GNG7: variants seen among roughly 807,000 people sequenced by gnomAD.
GNG7 encodes the protein guanine nucleotide-binding protein G(I)/G(S)/G(O) subunit gamma-7.
Under a neutral mutation model 4.0 loss-of-function variants are expected in GNG7, and 1 was observed. The observed-to-expected ratio is 0.25, with a 90% CI of 0.09 to 1.18. The LOEUF (loss-of-function observed/expected upper bound fraction) is 1.18, where lower values mean the gene tolerates loss of function less well. Ranked by LOEUF, GNG7 falls within the 50% of genes most tolerant of loss-of-function variation. The pLI, the probability that GNG7 is intolerant of heterozygous loss-of-function variation, is 0.50. For missense variants in GNG7, 86 were observed against 91.9 expected (o/e 0.94, Z 0.26); for synonymous variants, 34 against 36.9 (o/e 0.92, Z 0.29).
intron 2 of GNG7, among the ~76,000 whole-genome samples, chr19:2,559,671 T>C (rs1157521054): frequency 1.4e-5 from 2 of 144,232 alleles, no homozygotes; most frequent in Admixed American, 7.0e-5. Context: ...TGCACCGCCA[T>C]GCCCAGCTAA....
intron 2 of GNG7, among the ~76,000 whole-genome samples, chr19:2,644,228 C>T (rs1982596612): frequency 6.6e-6 from 1 of 150,878 alleles, no homozygotes; most frequent in Non-Finnish European, 1.5e-5. Flanking sequence ...GCCATGTTGG[C>T]CAGGCTAGTC....
intron 1 of GNG7, among the ~76,000 whole-genome samples, chr19:2,667,730 C>T (rs1983345997): frequency 6.6e-6 from 1 of 152,164 alleles, no homozygotes; most frequent in African/African-American, 2.4e-5. Flanking sequence ...GCCTGGCCAA[C>T]ATGGTGAAAC....
At chr19:2,563,200 A>G (rs916176440) in intron 2 of GNG7, among the ~76,000 whole-genome samples, 1 of 152,046 alleles carries the variant, frequency 6.6e-6, no homozygotes, top group Non-Finnish European at 1.5e-5. Context: ...CACCTGCCTC[A>G]GCCTCCCAAA....
At chr19:2,670,994 C>T (rs1568280522) in intron 1 of GNG7, among the ~76,000 whole-genome samples, 1 of 152,034 alleles carries the variant, frequency 6.6e-6, no homozygotes, top group Non-Finnish European at 1.5e-5. Context: ...TGGGGGTCCC[C>T]CTGATTTTGG....
At chr19:2,655,567 G>A (rs895984696) in intron 1 of GNG7, among the ~76,000 whole-genome samples, 2 of 151,960 alleles carry the variant, frequency 1.3e-5, no homozygotes, top group African/African-American at 2.4e-5. Context: ...GGCCGGGTGC[G>A]GTGGCTCATG....
intron 2 of GNG7, among the ~76,000 whole-genome samples, chr19:2,576,919 A>G (rs917570888): frequency 6.6e-6 from 1 of 152,236 alleles, no homozygotes; most frequent in African/African-American, 2.4e-5. Flanking sequence ...CCTGGGCTCA[A>G]GTGATCCTCC....
At chr19:2,607,785 G>A (rs1981437316) in intron 2 of GNG7, among the ~76,000 whole-genome samples, 1 of 152,048 alleles carries the variant, frequency 6.6e-6, no homozygotes, top group South Asian at 2.1e-4. Context: ...TTCAGAGGCA[G>A]AGCTGTCATC....
intron 1 of GNG7, among the ~76,000 whole-genome samples, chr19:2,654,635 G>C (rs75559503): frequency 0.016 from 1,959 of 124,690 alleles, 33 homozygotes; most frequent in African/African-American, 0.053. Context: ...CACCCTGAGT[G>C]GGGGGAGGGA....
intron 2 of GNG7, among the ~76,000 whole-genome samples, chr19:2,560,310 G>A (rs1472947501): frequency 3.9e-5 from 6 of 152,076 alleles, no homozygotes; most frequent in African/African-American, 1.4e-4. Flanking sequence ...AGGAAGGAAG[G>A]GACCGCCTCA....
intron 3 of GNG7, among the ~76,000 whole-genome samples, chr19:2,526,309 T>A (rs1178006289): frequency 2.0e-5 from 3 of 151,606 alleles, no homozygotes; most frequent in African/African-American, 7.3e-5. Context: ...TTCCCCATGT[T>A]GGCCAGGCTG....
chr19:2,602,375 G>A (rs1229870506), intron 2 of GNG7, among the ~76,000 whole-genome samples: 12 of 152,192 alleles, frequency 7.9e-5, no homozygotes, highest in Admixed American at 2.0e-4. Flanking sequence ...GGACTGGGCT[G>A]CGGGCTGCGT....
At chr19:2,569,961 G>A (rs1285691987) in intron 2 of GNG7, among the ~76,000 whole-genome samples, 1 of 152,130 alleles carries the variant, frequency 6.6e-6, no homozygotes, top group African/African-American at 2.4e-5. Context: ...CAGTGACATG[G>A]GGCCAATGTT....
Position 2,513,317 on chromosome 19 carries a change from C to T in GNG7, c.*1705G>A, listed in dbSNP as rs1315892511. On this transcript the variant is annotated 3_prime_UTR_variant, in exon 5 of 5. Coordinates refer to ENST00000382159, the MANE Select transcript of GNG7 (RefSeq NM_052847.3). Reference sequence around the variant, plus strand: ...CTCCACTGGGGCCGGAGGGACAGGACTAGGCTAGTTTTATTCTACTACTTG... The same window carrying T: ...CTCCACTGGGGCCGGAGGGACAGGATTAGGCTAGTTTTATTCTACTACTTG... 5 of 330,366 alleles carry T rather than the reference C, an allele frequency of 1.5e-5. No homozygotes were observed. The highest frequency in any genetic ancestry group is 9.0e-5 in the African/African-American group (4 of 44,652). The allele number at this position is 330,366 out of a possible 1,614,324, so 20.5% of individuals were successfully genotyped here.
At chr19:2,594,033 A>G (rs1360971627) in intron 2 of GNG7, among the ~76,000 whole-genome samples, 1 of 151,984 alleles carries the variant, frequency 6.6e-6, no homozygotes, top group African/African-American at 2.4e-5. Context: ...AAGGGGAGGA[A>G]AATTTATTTC....
intron 2 of GNG7, among the ~76,000 whole-genome samples, chr19:2,560,294 C>T (rs1193470368): frequency 3.3e-5 from 5 of 152,050 alleles, no homozygotes; most frequent in South Asian, 2.1e-4. Flanking sequence ...AGGGCCTGGC[C>T]GTGGCAGGAA....
chr19:2,525,971 A>ATGTTTTTTT (rs1555690823), intron 3 of GNG7, among the ~76,000 whole-genome samples: 1 of 75,684 alleles, frequency 1.3e-5, no homozygotes, highest in African/African-American at 6.0e-5. Context: ...CTCCACGCCA[A>ATGTTTTTTT]TTTTTTTTTT....
intron 2 of GNG7, among the ~76,000 whole-genome samples, chr19:2,604,144 C>T (rs541607314): frequency 2.6e-5 from 4 of 151,854 alleles, no homozygotes; most frequent in East Asian, 1.9e-4. Context: ...GCCACCGTGC[C>T]GGGTCTCGAG....
intron 2 of GNG7, among the ~76,000 whole-genome samples, chr19:2,586,865 G>A (rs569946031): frequency 1.3e-3 from 191 of 151,574 alleles, no homozygotes; most frequent in Admixed American, 2.6e-3. Flanking sequence ...CGTGCCTGTA[G>A]TCCCAGCTAC....
At chr19:2,606,883 C>A (rs958031010) in intron 2 of GNG7, among the ~76,000 whole-genome samples, 3 of 151,132 alleles carry the variant, frequency 2.0e-5, no homozygotes, top group Admixed American at 1.3e-4. Flanking sequence ...GGTGTTTGCA[C>A]GCAGTGTTCA....
Sources: gnomAD v4.1 joint callset for allele counts (sites outside exome capture counted in the v4.1 genomes callset) on GRCh38, gnomAD v4.1.1 for gene constraint, MANE v1.5 for transcripts, NCBI Gene and HGNC (gene_info 2026-07-23, HGNC 2026-07-21) for gene names.